The following ABCB10 variants were observed in gnomAD, a reference collection of about 807,000 sequenced individuals.
ABCB10 encodes ATP-binding cassette sub-family B member 10, mitochondrial.
In ABCB10, 54 loss-of-function variants were observed where a neutral mutation model predicts 65.4. The observed-to-expected ratio is 0.83, with a 90% confidence interval of 0.66 to 1.04. The LOEUF (loss-of-function observed/expected upper bound fraction) is 1.04. Ranked by LOEUF, ABCB10 falls within the 50% of genes least tolerant of loss-of-function variation. The probability of loss-of-function intolerance (pLI) is 0.00; values close to 1 mark genes in which losing one functional copy is unlikely to be tolerated. For synonymous variants in ABCB10, 418 were observed against 406.5 expected, an observed-to-expected ratio of 1.03 and a Z score of -0.34; for missense variants, 846 against 976.6, an observed-to-expected ratio of 0.87 and a Z score of 1.78.
intron 4 of ABCB10, among the ~76,000 whole-genome samples, chr1:229,541,559 G>A (rs1409636022): frequency 6.6e-6 from 1 of 152,168 alleles, no homozygotes; most frequent in Non-Finnish European, 1.5e-5. Flanking sequence ...ACGTTGCACA[G>A]CACTGCAAAG....
chr1:229,534,373 A>G (rs904370851), intron 6 of ABCB10, among the ~76,000 whole-genome samples: 9 of 152,280 alleles, frequency 5.9e-5, no homozygotes, highest in Non-Finnish European at 5.9e-5. Flanking sequence ...AGTTTCTTAC[A>G]AAACTAAAAT....
At chr1:229,525,046 G>A (rs1040026107) in intron 10 of ABCB10, among the ~76,000 whole-genome samples, 3 of 152,096 alleles carry the variant, frequency 2.0e-5, no homozygotes, top group East Asian at 1.9e-4. Context: ...GTAGAGACAG[G>A]GTTTCACCAT....
chr1:229,541,227 ATTTTTCT>A (rs1662834206), intron 4 of ABCB10, among the ~76,000 whole-genome samples: 1 of 151,932 alleles, frequency 6.6e-6, no homozygotes, highest in African/African-American at 2.4e-5. Context: ...GTTATTTTTT[ATTTTTCT>A]TTTTTTTCTG....
chr1:229,555,073 G>A (rs1050407749), intron 1 of ABCB10, among the ~76,000 whole-genome samples: 4 of 152,156 alleles, frequency 2.6e-5, no homozygotes, highest in African/African-American at 4.8e-5. Flanking sequence ...ATGCCCCAGC[G>A]GAGGGGATAC....
chr1:229,518,199 G>C lies in ABCB10; in HGVS notation c.2197C>G (p.Gln733Glu), dbSNP rs1662221271. Reference sequence around the variant, plus strand: ...CTTCCTTATGCTGAAATAAAACTTTGTTTGTTCATTAGTTTTCTGTATATC... The same window carrying C: ...CTTCCTTATGCTGAAATAAAACTTTCTTTGTTCATTAGTTTTCTGTATATC... ...NGIYRKLMNKQSFISA is the reference protein window; with the variant it reads ...NGIYRKLMNKESFISA Residue 733 changes from glutamine (Q) to glutamate (E), a missense_variant, in exon 13 of 13, where the codon CAA becomes GAA. Transcript: ENST00000344517. The C allele has an allele frequency of 3.7e-6, 6 of 1,613,454 alleles. No homozygotes were observed. The East Asian group carries it at 1.3e-4, about 36-fold the overall frequency.
chr1:229,542,089 G>T, intron 4 of ABCB10, 148 bp downstream of exon 4: 8 of 1,078,434 alleles, frequency 7.4e-6, no homozygotes, highest in East Asian at 2.8e-5. Context: ...AGTAGTTTAA[G>T]TTTCATGGAT....
intron 6 of ABCB10, among the ~76,000 whole-genome samples, chr1:229,533,680 C>T (rs1662639344): frequency 6.6e-6 from 1 of 152,146 alleles, no homozygotes; most frequent in African/African-American, 2.4e-5. Flanking sequence ...GATGCAACGG[C>T]AATATACATA....
intron 10 of ABCB10, among the ~76,000 whole-genome samples, chr1:229,522,335 T>C (rs1395744072): frequency 6.6e-6 from 1 of 152,040 alleles, no homozygotes; most frequent in African/African-American, 2.4e-5. Context: ...GCCTCCTGAG[T>C]AGCTGGGACC....
At chr1:229,542,985 G>C (rs957536113) in intron 3 of ABCB10, among the ~76,000 whole-genome samples, 6 of 151,998 alleles carry the variant, frequency 3.9e-5, no homozygotes, top group Non-Finnish European at 5.9e-5. Flanking sequence ...ACAAAAATTA[G>C]CTGGGTGTTG....
chr1:229,554,281 G>A (rs1386594546), intron 1 of ABCB10, among the ~76,000 whole-genome samples: 1 of 152,198 alleles, frequency 6.6e-6, no homozygotes, highest in Non-Finnish European at 1.5e-5. Flanking sequence ...AGTAGAGGAA[G>A]AAGCCAGGGA....
chr1:229,549,732 C>G (rs925370840), intron 1 of ABCB10, among the ~76,000 whole-genome samples: 7 of 151,762 alleles, frequency 4.6e-5, no homozygotes, highest in Non-Finnish European at 8.8e-5. Flanking sequence ...ACTATGGAAC[C>G]GTTCTGGCCA....
chr1:229,520,506 A>G (rs2102800266), intron 11 of ABCB10, among the ~76,000 whole-genome samples: 2 of 151,624 alleles, frequency 1.3e-5, no homozygotes, highest in Non-Finnish European at 1.5e-5. Flanking sequence ...AAGCTAACAC[A>G]TGAGACCAAA....
chr1:229,531,789 C>T, intron 6 of ABCB10, 58 bp from the exon 7 acceptor site: 4 of 1,376,520 alleles, frequency 2.9e-6, no homozygotes, highest in East Asian at 2.3e-5. Context: ...GCACTGGCCA[C>T]CACTCCTCTG....
intron 1 of ABCB10, among the ~76,000 whole-genome samples, chr1:229,555,072 C>T (rs1328526054): frequency 1.3e-5 from 2 of 152,162 alleles, no homozygotes; most frequent in African/African-American, 4.8e-5. Flanking sequence ...CATGCCCCAG[C>T]GGAGGGGATA....
At chr1:229,518,817 C>T (rs1020966466) in intron 12 of ABCB10, 24 bp downstream of exon 12, 3 of 1,572,262 alleles carry the variant, frequency 1.9e-6, no homozygotes, top group African/African-American at 1.4e-5. Flanking sequence ...CACACAATGG[C>T]ATATATTATT....
chr1:229,557,710 G>A (rs939244069), intron 1 of ABCB10, among the ~76,000 whole-genome samples: 2 of 151,732 alleles, frequency 1.3e-5, no homozygotes, highest in South Asian at 2.1e-4. Context: ...CTCGCTTGAA[G>A]CAAATAATGT....
At chr1:229,550,525 CAAAAAA>C (rs60323914) in intron 1 of ABCB10, among the ~76,000 whole-genome samples, 16 of 63,538 alleles carry the variant, frequency 2.5e-4, no homozygotes, top group South Asian at 1.7e-3. Context: ...ATGCTGTCTC[CAAAAAA>C]AAAAAAAAAA....
At chr1:229,541,951 C>G (rs1418679869) in intron 4 of ABCB10, among the ~76,000 whole-genome samples, 1 of 68,760 alleles carries the variant, frequency 1.5e-5, no homozygotes, top group African/African-American at 5.1e-5. Context: ...TACCTTGTCT[C>G]AAAAAAAAAA....
At chr1:229,529,293 CTCAAAAAAAAAAAAAAA>C (rs1558121027) in intron 8 of ABCB10, among the ~76,000 whole-genome samples, 1 of 23,446 alleles carries the variant, frequency 4.3e-5, no homozygotes, top group Non-Finnish European at 7.0e-5. Flanking sequence ...AAGACTCCGT[CTCAAAAAAAAAAAAAAA>C]AAAAAAAAAA....
Sources: allele counts gnomAD v4.1 joint callset (sites outside exome capture counted in the v4.1 genomes callset), GRCh38; gene constraint gnomAD v4.1.1; transcripts MANE v1.5; gene names NCBI Gene and HGNC (gene_info 2026-07-23, HGNC 2026-07-21).